Variants in MYO5C observed in about 807,000 individuals in gnomAD.
MYO5C encodes the protein unconventional myosin-Vc.
Under a neutral mutation model 235.7 loss-of-function variants are expected in MYO5C, and 194 were observed. That is an observed-to-expected ratio of 0.82 (90% CI 0.73 to 0.93). The LOEUF (loss-of-function observed/expected upper bound fraction) is 0.93, where lower values mean the gene tolerates loss of function less well. Ranked by LOEUF, MYO5C falls within the 40% of genes least tolerant of loss-of-function variation. MYO5C has a pLI of 0.00. For synonymous variants in MYO5C, 707 were observed against 754.8 expected (o/e 0.94, Z 1.04); for missense variants, 2,038 against 2,127.2 (o/e 0.96, Z 0.82).
intron 24 of MYO5C, among the ~76,000 whole-genome samples, chr15:52,230,950 C>T (rs1303810559): frequency 6.6e-6 from 1 of 151,732 alleles, no homozygotes; most frequent in Admixed American, 6.6e-5. Flanking sequence ...GCCTCAGCCT[C>T]CCAAGTAGCT....
chr15:52,209,920 C>A (rs1311368634), intron 35 of MYO5C, among the ~76,000 whole-genome samples: 2 of 152,188 alleles, frequency 1.3e-5, no homozygotes, highest in Admixed American at 1.3e-4. Flanking sequence ...TCTCACAAAT[C>A]TAGTTTTTAT....
intron 13 of MYO5C, 86 bp from the exon 14 acceptor site, chr15:52,248,869 A>G (rs1054532800): frequency 1.1e-5 from 11 of 969,482 alleles, no homozygotes; most frequent in Admixed American, 4.7e-5. Context: ...TTTAAGAAAG[A>G]TTAATAAAAA....
chr15:52,259,300 G>A (rs1349619883), intron 10 of MYO5C, among the ~76,000 whole-genome samples: 1 of 151,566 alleles, frequency 6.6e-6, no homozygotes, highest in Non-Finnish European at 1.5e-5. Context: ...GGTGCCTGTA[G>A]TCCCAGCTAC....
chr15:52,197,878 T>C (rs7163597), intron 38 of MYO5C, among the ~76,000 whole-genome samples: 120,027 of 151,664 alleles, frequency 0.79, 49,708 homozygotes, highest in Non-Finnish European at 0.92. Flanking sequence ...TCAAGCAATC[T>C]GCCTGCCTCA....
chr15:52,279,457 G>A (rs2037119589), intron 3 of MYO5C, 52 bp downstream of exon 3: 2 of 1,573,094 alleles, frequency 1.3e-6, no homozygotes, highest in Non-Finnish European at 1.7e-6. Context: ...GCTCTAGACA[G>A]CAAGCTTACA....
chr15:52,284,694 G>A (rs561873836), intron 1 of MYO5C, among the ~76,000 whole-genome samples: 136 of 152,248 alleles, frequency 8.9e-4, no homozygotes, highest in African/African-American at 3.2e-3. Context: ...ACTCAAAGAT[G>A]CTTCAAAAAA....
chr15:52,293,580 G>A (rs919012834), intron 1 of MYO5C, among the ~76,000 whole-genome samples: 3 of 152,042 alleles, frequency 2.0e-5, no homozygotes, highest in Non-Finnish European at 2.9e-5. Flanking sequence ...GCACCACCCT[G>A]CTGTCTCTCA....
chr15:52,241,167 T>G (rs1208188962), intron 20 of MYO5C, among the ~76,000 whole-genome samples: 1 of 151,866 alleles, frequency 6.6e-6, no homozygotes, highest in Non-Finnish European at 1.5e-5. Flanking sequence ...TACTTTGAAT[T>G]CGTTTCTTTG....
intron 30 of MYO5C, among the ~76,000 whole-genome samples, chr15:52,220,526 A>T (rs1451190619): frequency 6.6e-6 from 1 of 152,092 alleles, no homozygotes; most frequent in African/African-American, 2.4e-5. Flanking sequence ...CTTATTTTAA[A>T]AAAATTTTTG....
intron 1 of MYO5C, among the ~76,000 whole-genome samples, chr15:52,289,195 C>A (rs980479848): frequency 6.6e-6 from 1 of 151,934 alleles, no homozygotes; most frequent in African/African-American, 2.4e-5. Context: ...CCCACTGCCC[C>A]CCATGTCCGT....
At chr15:52,278,029 T>C (rs762573578) in intron 4 of MYO5C, 23 of 449,050 alleles carry the variant, frequency 5.1e-5, no homozygotes, top group South Asian at 3.6e-4. Context: ...ATTTCCCATC[T>C]GTGAAATGAG....
At chr15:52,235,437 C>G (rs889992146) in intron 23 of MYO5C, among the ~76,000 whole-genome samples, 2 of 152,172 alleles carry the variant, frequency 1.3e-5, no homozygotes, top group Admixed American at 6.5e-5. Flanking sequence ...CCAGGAGGTT[C>G]TGAGGCACAG....
At chr15:52,272,138 G>C (rs992738515) in intron 6 of MYO5C, among the ~76,000 whole-genome samples, 4 of 152,180 alleles carry the variant, frequency 2.6e-5, no homozygotes, top group Non-Finnish European at 4.4e-5. Flanking sequence ...GCAATACAAG[G>C]CTTTCTGTTG....
chr15:52,282,631 G>A (rs1048085686), intron 2 of MYO5C, 151 bp downstream of exon 2: 8 of 638,806 alleles, frequency 1.3e-5, no homozygotes, highest in Admixed American at 2.3e-5. Flanking sequence ...AGTGAGTCCC[G>A]GCACCAGGAG....
In MYO5C at chr15:52,273,122, C is replaced by A. The variant is rs544485349; in HGVS notation, c.607-399G>T. ...TCACTTGAGGCCAGGAGTTTGAGAC[C>A]AGATGAGGCAACACAGTGAGACCCC... On this transcript the variant is annotated intron_variant, in intron 5 of 40. Transcript: ENST00000261839. Among the ~76,000 whole-genome samples, 7 of 152,202 alleles carry A rather than the reference C, an allele frequency of 4.6e-5. No homozygotes were observed. In the East Asian group the frequency reaches 1.4e-3, roughly 29 times the overall value.
At chr15:52,269,554 G>C (rs1489632966) in intron 8 of MYO5C, among the ~76,000 whole-genome samples, 199 bp downstream of exon 8, 1 of 151,692 alleles carries the variant, frequency 6.6e-6, no homozygotes, top group Admixed American at 6.6e-5. Context: ...CACCACGCCT[G>C]GCTAATTTTT....
Position 52,269,863 on chromosome 15 carries a change from G to A in MYO5C, c.833-3C>T, listed in dbSNP as rs756098619. Reference sequence around the variant, plus strand: ...ATAATTAAATTCTTCGGCACTCCCTGAAATCAAAAAGTAAGATTTGTTATG... The same window carrying A: ...ATAATTAAATTCTTCGGCACTCCCTAAAATCAAAAAGTAAGATTTGTTATG... On this transcript the variant is annotated splice_polypyrimidine_tract_variant and splice_region_variant and intron_variant, in intron 7 of 40. Coordinates refer to ENST00000261839, the MANE Select transcript of MYO5C (RefSeq NM_018728.4). 1.3e-6 allele frequency: 2 copies of A among 1,596,560 alleles called. No homozygotes were observed. The highest frequency in any genetic ancestry group is 1.7e-6 in the Non-Finnish European group (2 of 1,165,550).
chr15:52,246,450 A>T (rs1003058047), intron 16 of MYO5C, among the ~76,000 whole-genome samples: 1 of 151,956 alleles, frequency 6.6e-6, no homozygotes, highest in Non-Finnish European at 1.5e-5. Flanking sequence ...CACACTCACC[A>T]CCTCCATAGA....
intron 36 of MYO5C, among the ~76,000 whole-genome samples, chr15:52,207,879 T>G (rs138855235): frequency 1.4e-3 from 216 of 152,376 alleles, no homozygotes; most frequent in African/African-American, 5.0e-3. Flanking sequence ...AAAATTATGC[T>G]TGACTTCACT....
Sources: gnomAD v4.1 joint callset for allele counts (sites outside exome capture counted in the v4.1 genomes callset) on GRCh38, gnomAD v4.1.1 for gene constraint, MANE v1.5 for transcripts, NCBI Gene and HGNC (gene_info 2026-07-23, HGNC 2026-07-21) for gene names.